Variants in ZNF772 observed in about 807,000 individuals in gnomAD.
ZNF772 encodes zinc finger protein 772.
ZNF772 carries 8 observed loss-of-function variants against 11.0 expected under a neutral mutation model. That is an observed-to-expected ratio of 0.73 (90% CI 0.43 to 1.31). The LOEUF is 1.31. Among genes scored for constraint, ZNF772 ranks in the 50% most tolerant of loss-of-function variants. The pLI, the probability that ZNF772 is intolerant of heterozygous loss-of-function variation, is 0.01. For missense variants in ZNF772, 496 were observed against 552.3 expected (o/e 0.90, Z 1.02); for synonymous variants, 155 against 180.4 (o/e 0.86, Z 1.13).
rs2089245306 is a variant in ZNF772, at chr19:57,473,719, CTT to C, written c.900_901del (p.Arg301SerfsTer12). ...GTAAGGCCTTGCTCCAGTGTGTACT[CTT>C]TGATGTACAATAAGGTTAGAGCTAT... On this transcript the variant is annotated frameshift_variant, in exon 4 of 4. Coordinates refer to ENST00000356584, the MANE Select transcript of ZNF772 (RefSeq NM_001144068.2). LOFTEE classifies it low-confidence loss of function (END_TRUNC). 1 of 1,614,050 alleles carries C rather than the reference CTT, an allele frequency of 6.2e-7. No homozygotes were observed. Among genetic ancestry groups the C allele is most frequent in the African/African-American group, 1.3e-5 (1 of 74,916 alleles).
rs955831140 is a variant in ZNF772, at chr19:57,475,569, G to A, written c.199+91C>T. On this transcript the variant is annotated intron_variant, in intron 3 of 3. Transcript: ENST00000356584. The surrounding 1 kb of genome is among the most constrained non-coding windows in gnomAD (Gnocchi z 4.2). Reference sequence around the variant, plus strand: ...CACTAAGAAATGAGACAGTGTCCACGGCTCTGATGTAGGAAGGACAAAGAT... The same window carrying A: ...CACTAAGAAATGAGACAGTGTCCACAGCTCTGATGTAGGAAGGACAAAGAT... 23 of 1,588,384 alleles carry A rather than the reference G, an allele frequency of 1.4e-5. No individual in the cohort carries two copies. Among genetic ancestry groups the A allele is most frequent in the Middle Eastern group, 1.7e-4 (1 of 5,946 alleles).
rs566856748 is a variant in ZNF772 at position 57,477,462 on chromosome 19, C to T, written c.-153G>A. The stretch of plus-strand genomic sequence containing the variant: ...GGAAGAAGACACTCTCTCACGTTTT[C>T]CCTTTTCTGTCACCTCAGGTCTGAC... On this transcript the variant is annotated 5_prime_UTR_variant, in exon 1 of 4. Coordinates refer to ENST00000356584, the MANE Select transcript of ZNF772 (RefSeq NM_001144068.2). The T allele has an allele frequency of 2.7e-6, 2 of 728,052 alleles. No individual in the cohort carries two copies. Among genetic ancestry groups the T allele is most frequent in the African/African-American group, 3.6e-5 (2 of 55,340 alleles). The allele number at this position is 728,052 out of a possible 1,614,324, so 45.1% of individuals were successfully genotyped here. A position where few individuals can be genotyped will look rare whatever the true frequency, so the allele number is the denominator to read the frequency against.
In ZNF772 at chr19:57,474,368, T is replaced by C. The variant is rs547428346; in HGVS notation, c.253A>G (p.Ile85Val). The C allele has an allele frequency of 9.9e-6, 16 of 1,612,440 alleles. No homozygotes were observed. The East Asian group carries it at 2.2e-4, about 22-fold the overall frequency. Residue 85 changes from isoleucine to valine, a missense_variant, in exon 4 of 4, where the codon ATA becomes GTA. Physicochemically the swap from Ile to Val is conservative, Grantham distance 29. Transcript: ENST00000356584. ...GGAATCCTGATCTGTGACATTCCTA[T>C]AGAAAAGCTCTGCTCAAAAGGTATC... ...EEIPFEQSFS[I>V]GMSQIRIPKG...
rs768976572 is a variant in ZNF772, at chr19:57,475,833, G to A, written c.73-47C>T. 1 of 1,559,526 alleles carries A rather than the reference G, an allele frequency of 6.4e-7. No individual in the cohort carries two copies. The highest frequency in any genetic ancestry group is 1.2e-5 in the South Asian group (1 of 81,528). On this transcript the variant is annotated intron_variant, in intron 2 of 3. Transcript: ENST00000356584. This position sits in a 1 kb window ranked among gnomAD's most constrained non-coding sequence, Gnocchi z 4.2. ...AGTCCATGAGCAGCATCTCTCCCAA[G>A]AACCCCCATCCGTGCCCCCACACAT...
chr19:57,473,169 A>G lies in ZNF772; in HGVS notation c.*105T>C, dbSNP rs2089235124. ...CTCCCCAGGGTGAGTGTTTGAGTGT[A>G]TAAAGTTCTACTTCTGGCTGTCGGC... On this transcript the variant is annotated 3_prime_UTR_variant, in exon 4 of 4. Coordinates refer to ENST00000356584, the MANE Select transcript of ZNF772 (RefSeq NM_001144068.2). The G allele has an allele frequency of 5.2e-6, 6 of 1,164,632 alleles. No homozygotes were observed. In the South Asian group the frequency reaches 9.5e-5, roughly 18 times the overall value. 72.1% of individuals were successfully genotyped at this position (1,164,632 alleles called of 1,614,324 possible).
chr19:57,476,642 G>A lies in ZNF772; in HGVS notation c.64C>T (p.Pro22Ser). Residue 22 changes from proline (P) to serine (S), a missense_variant, in exon 2 of 4, where the codon CCT becomes TCT. Coordinates refer to ENST00000356584, the MANE Select transcript of ZNF772 (RefSeq NM_001144068.2). Reference sequence around the variant, plus strand: ...GGACATTCTCCCCTCACCTGTATAGGGTCCACAATTACTTCTGAGTTCATG... The same window carrying A: ...GGACATTCTCCCCTCACCTGTATAGAGTCCACAATTACTTCTGAGTTCATG... ...VPMNSEVIVD[P>S]IQGQVNFEDV... is the part of the protein sequence containing the mutation. 1.9e-6 allele frequency: 3 copies of A among 1,608,740 alleles called. No individual in the cohort carries two copies. The highest frequency in any genetic ancestry group is 2.5e-6 in the Non-Finnish European group (3 of 1,177,470).
In ZNF772 at chr19:57,475,507, A is replaced by G; in HGVS notation, c.199+153T>C. On this transcript the variant is annotated intron_variant, in intron 3 of 3. Transcript: ENST00000356584. The surrounding 1 kb of genome is among the most constrained non-coding windows in gnomAD (Gnocchi z 4.2). ...TCAAAAGGAGAAAGTAGGAGTGCAA[A>G]CAGCCCAAGCCCAGCACTCACAGAA... 8.0e-7 allele frequency: 1 copy of G among 1,255,596 alleles called. No homozygotes were observed. Among genetic ancestry groups the G allele is most frequent in the Non-Finnish European group, 1.2e-6 (1 of 860,610 alleles). 77.8% of individuals were successfully genotyped at this position (1,255,596 alleles called of 1,614,324 possible).
Position 57,475,175 on chromosome 19 carries a change from T to C in ZNF772, c.199+485A>G. The C allele has an allele frequency of 1.9e-6, 3 of 1,612,490 alleles. No individual in the cohort carries two copies. In the South Asian group the frequency reaches 3.3e-5, roughly 18 times the overall value. ...AGGGAAAGATAGAACAGCACTGGTC[T>C]GGGTAACCCATATAGAAAACTAAAT... On this transcript the variant is annotated intron_variant, in intron 3 of 3. Transcript: ENST00000356584. The surrounding 1 kb of genome is among the most constrained non-coding windows in gnomAD (Gnocchi z 4.2).
rs140078393 is a variant in ZNF772, at chr19:57,475,766, G to A, written c.93C>T (p.Asp31=). The change falls in exon 3 of 4, where the codon GAC becomes GAT. Residue 31 remains aspartate (D), a synonymous_variant. Coordinates refer to ENST00000356584, the MANE Select transcript of ZNF772 (RefSeq NM_001144068.2). This position sits in a 1 kb window ranked among gnomAD's most constrained non-coding sequence, Gnocchi z 4.2. ...DPIQGQVNFE[D]VFVYFSQEEW... ...CCTCCTGGGAGAAGTACACGAACAC[G>A]TCCTCAAAGTTCACCTGCCCCTGCC... The A allele has an allele frequency of 5.8e-4, 925 of 1,605,608 alleles. 1 individual carries two copies. Among genetic ancestry groups the A allele is most frequent in the Admixed American group, 1.0e-3 (62 of 59,254 alleles).
rs1313811364 is a variant in ZNF772, at chr19:57,471,304, A to G, written c.*1970T>C. ...AGTTAGGGACAAATATCACTCGTGA[A>G]CATTGGTGCAAAACTTGTTACAAAA... On this transcript the variant is annotated 3_prime_UTR_variant, in exon 4 of 4. Transcript: ENST00000356584. 6.7e-6 allele frequency: 1 copy of G among 150,176 alleles called. No homozygotes were observed. Among genetic ancestry groups the G allele is most frequent in the Non-Finnish European group, 1.5e-5 (1 of 67,808 alleles). 9.3% of individuals were successfully genotyped at this position (150,176 alleles called of 1,614,324 possible). A position where few individuals can be genotyped will look rare whatever the true frequency, so the allele number is the denominator to read the frequency against.
chr19:57,475,092 G>A lies in ZNF772; in HGVS notation c.199+568C>T. The stretch of plus-strand genomic sequence containing the variant: ...CATGTCCACCCAGTCAGGTACCCAG[G>A]GCTCACTACCCATCACCAGTGAGGC... On this transcript the variant is annotated intron_variant, in intron 3 of 3. Transcript: ENST00000356584. The surrounding 1 kb of genome is among the most constrained non-coding windows in gnomAD (Gnocchi z 4.2). The A allele has an allele frequency of 6.2e-7, 1 of 1,614,190 alleles. No individual in the cohort carries two copies. Among genetic ancestry groups the A allele is most frequent in the Non-Finnish European group, 8.5e-7 (1 of 1,180,042 alleles).
intron 3 of ZNF772, chr19:57,474,879 G>A (rs2089264267): frequency 1.5e-5 from 17 of 1,130,678 alleles, no homozygotes; most frequent in Non-Finnish European, 2.2e-5. Context: ...GAGACATGAA[G>A]GCAGAGGTAT....
chr19:57,473,108 C>T lies in ZNF772; in HGVS notation c.*166G>A. On this transcript the variant is annotated 3_prime_UTR_variant, in exon 4 of 4. Transcript: ENST00000356584. ...GAGTCTAGAAAATTCAGCATAGCTC[C>T]AGAAGGCTTCCCATATAGCTGGCAC... is the stretch of plus-strand genomic sequence containing the variant. The T allele has an allele frequency of 1.5e-6, 1 of 674,248 alleles. No individual in the cohort carries two copies. The highest frequency in any genetic ancestry group is 2.4e-6 in the Non-Finnish European group (1 of 409,082). 41.8% of individuals were successfully genotyped at this position (674,248 alleles called of 1,614,324 possible).
chr19:57,475,543 G>T lies in ZNF772; in HGVS notation c.199+117C>A. The T allele has an allele frequency of 6.6e-7, 1 of 1,508,814 alleles. No individual in the cohort carries two copies. The highest frequency in any genetic ancestry group is 9.2e-7 in the Non-Finnish European group (1 of 1,087,250). The allele number at this position is 1,508,814 out of a possible 1,614,324, so 93.5% of individuals were successfully genotyped here. On this transcript the variant is annotated intron_variant, in intron 3 of 3. Transcript: ENST00000356584. This position sits in a 1 kb window ranked among gnomAD's most constrained non-coding sequence, Gnocchi z 4.2. ...CCAGCACTCACAGAACCTACTCCAG[G>T]CACTAAGAAATGAGACAGTGTCCAC...
In ZNF772 at chr19:57,474,218, G is replaced by A. The variant is rs2089255424; in HGVS notation, c.403C>T (p.Leu135=). The A allele has an allele frequency of 2.5e-6, 4 of 1,614,166 alleles. No individual in the cohort carries two copies. The South Asian group carries it at 3.3e-5, about 13-fold the overall frequency. Residue 135 remains leucine, a synonymous_variant, in exon 4 of 4, where the codon CTG becomes TTG. Coordinates refer to ENST00000356584, the MANE Select transcript of ZNF772 (RefSeq NM_001144068.2). ...HPGQKPYMCV[L]CGKQFCFSAN... ...CTGAAGCAGAACTGTTTCCCACACA[G>A]CACACACATGTATGGTTTCTGCCCT...
At chr19:57,476,984 C>T (rs1292097756) in intron 1 of ZNF772, among the ~76,000 whole-genome samples, 2 of 152,302 alleles carry the variant, frequency 1.3e-5, no homozygotes, top group African/African-American at 2.4e-5. Context: ...CCCAGCTGCT[C>T]AGGATGATAT....
In ZNF772 at chr19:57,475,067, C is replaced by T; in HGVS notation, c.199+593G>A. Reference sequence around the variant, plus strand: ...GAGTCTCTGTGGCAACAGCTAGGGTCATGTCCACCCAGTCAGGTACCCAGG... The same window carrying T: ...GAGTCTCTGTGGCAACAGCTAGGGTTATGTCCACCCAGTCAGGTACCCAGG... On this transcript the variant is annotated intron_variant, in intron 3 of 3. Transcript: ENST00000356584. This position sits in a 1 kb window ranked among gnomAD's most constrained non-coding sequence, Gnocchi z 4.2. 1 of 1,614,226 alleles carries T rather than the reference C, an allele frequency of 6.2e-7. No homozygotes were observed. Among genetic ancestry groups the T allele is most frequent in the Non-Finnish European group, 8.5e-7 (1 of 1,180,034 alleles).
At position 57,473,311 on chromosome 19, in the gene ZNF772, A is replaced by T. The variant is rs2089237368; in HGVS notation, c.1310T>A (p.Ile437Asn). 1.9e-6 allele frequency: 3 copies of T among 1,613,590 alleles called. No individual in the cohort carries two copies. The highest frequency in any genetic ancestry group is 4.5e-5 in the East Asian group (2 of 44,866). The part of the protein sequence containing the change: ...GKAFRQRASL[I>N]RHWKIHTGER... Reference sequence around the variant, plus strand: ...TCCAGTGTGAATTTTCCAGTGGCGGATGAGGGAAGCCCTCTGCCTGAAGGC... The same window carrying T: ...TCCAGTGTGAATTTTCCAGTGGCGGTTGAGGGAAGCCCTCTGCCTGAAGGC... The change falls in exon 4 of 4, where the codon ATC (isoleucine) becomes AAC (asparagine). Residue 437 changes from isoleucine (I) to asparagine (N), a missense_variant. Ile to Asn is a moderately radical substitution (Grantham distance 149). Coordinates refer to ENST00000356584, the MANE Select transcript of ZNF772 (RefSeq NM_001144068.2).
In ZNF772 at chr19:57,473,483, G is replaced by A. The variant is rs1222190224; in HGVS notation, c.1138C>T (p.Leu380Phe). 2 of 1,614,160 alleles carry A rather than the reference G, an allele frequency of 1.2e-6. No individual in the cohort carries two copies. The highest frequency in any genetic ancestry group is 1.1e-5 in the South Asian group (1 of 91,076). Reference sequence around the variant, plus strand: ...TTATGAACTCTTTGATGTGCAATAAGGTCAGAGCTTTGGCTAAAGAACTTC... The same window carrying A: ...TTATGAACTCTTTGATGTGCAATAAAGTCAGAGCTTTGGCTAAAGAACTTC... ...CGKFFSQSSD[L>F]IAHQRVHNGE... Residue 380 changes from leucine to phenylalanine, a missense_variant, in exon 4 of 4, where the codon CTT becomes TTT. Physicochemically the swap from Leu to Phe is conservative, Grantham distance 22 (BLOSUM62 0). Transcript: ENST00000356584.
Sources: allele counts gnomAD v4.1 joint callset (sites outside exome capture counted in the v4.1 genomes callset), GRCh38; gene constraint gnomAD v4.1.1; non-coding constraint Gnocchi (gnomAD v3.1); transcripts MANE v1.5; gene names NCBI Gene and HGNC (gene_info 2026-07-23, HGNC 2026-07-21).